The following GRM7 variants were observed in gnomAD, a reference collection of about 807,000 sequenced individuals.
The protein encoded by GRM7 is metabotropic glutamate receptor 7.
Under a neutral mutation model 84.5 loss-of-function variants are expected in GRM7, and 35 were observed. The observed-to-expected ratio is 0.41, with a 90% CI of 0.32 to 0.55. The LOEUF (loss-of-function observed/expected upper bound fraction) is 0.55. GRM7 is among the 20% of genes least tolerant of loss of function. The pLI is 0.19. For missense variants in GRM7, 1,003 were observed against 1,194.6 expected, an observed-to-expected ratio of 0.84 and a Z score of 2.36; for synonymous variants, 487 against 455.1, an observed-to-expected ratio of 1.07 and a Z score of -0.89.
chr3:7,546,626 T>C (rs148344413), intron 7 of GRM7, among the ~76,000 whole-genome samples: 8 of 152,322 alleles, frequency 5.3e-5, no homozygotes, highest in Admixed American at 3.3e-4. Flanking sequence ...CCCAAGAGTT[T>C]TTAAATTCAT....
chr3:7,728,558 CA>C, intron 9 of GRM7, among the ~76,000 whole-genome samples: 1 of 152,244 alleles, frequency 6.6e-6, no homozygotes, highest in East Asian at 1.9e-4. Flanking sequence ...TCAAACCCCC[CA>C]GAAATTTACT....
chr3:6,941,075 CTG>C (rs1221627074), intron 1 of GRM7, among the ~76,000 whole-genome samples: 1 of 152,172 alleles, frequency 6.6e-6, no homozygotes, highest in African/African-American at 2.4e-5. Context: ...CCAGAAGACT[CTG>C]GAGTTGCTAC....
In GRM7 at chr3:6,974,873, A is replaced by G. The variant is rs536522610; in HGVS notation, c.519+112966A>G. On this transcript the variant is annotated intron_variant, in intron 1 of 9. Coordinates refer to ENST00000357716, the MANE Select transcript of GRM7 (RefSeq NM_000844.4). ...CAGAGTTTTTCTGGAAAGAGGCAGG[A>G]ATGAAATCATGGTGGAGGAGATATA... Among the ~76,000 whole-genome samples, 20 of 152,306 alleles carry G rather than the reference A, an allele frequency of 1.3e-4. 1 individual carries two copies. The South Asian group carries it at 4.1e-3, about 32-fold the overall frequency.
At chr3:7,267,897 G>T (rs12494134) in intron 2 of GRM7, among the ~76,000 whole-genome samples, 119,355 of 151,560 alleles carry the variant, frequency 0.79, 47,896 homozygotes, top group East Asian at 0.97. Flanking sequence ...CAAATTCTAT[G>T]TTTTTTTTCA....
intron 2 of GRM7, among the ~76,000 whole-genome samples, chr3:7,248,655 T>C (rs1156856927): frequency 6.6e-6 from 1 of 152,170 alleles, no homozygotes; most frequent in Non-Finnish European, 1.5e-5. Flanking sequence ...GGTTCATTTC[T>C]TTCCAGCATA....
At chr3:7,416,770 G>T in intron 5 of GRM7, among the ~76,000 whole-genome samples, 1 of 152,042 alleles carries the variant, frequency 6.6e-6, no homozygotes, top group African/African-American at 2.4e-5. Context: ...GGGGAAAAGG[G>T]AAAATATTAA....
At position 7,188,090 on chromosome 3, in the gene GRM7, G is replaced by A. The variant is rs1695581053; in HGVS notation, c.736+41422G>A. Among the ~76,000 whole-genome samples, 1 of 152,108 alleles carries A rather than the reference G, an allele frequency of 6.6e-6. No homozygotes were observed. Among genetic ancestry groups the A allele is most frequent in the Admixed American group, 6.5e-5 (1 of 15,276 alleles). On this transcript the variant is annotated intron_variant, in intron 2 of 9. Transcript: ENST00000357716. This position sits in a 1 kb window ranked among gnomAD's most constrained non-coding sequence, Gnocchi z 4.2. ...ATAGAGGAGGAATGATGTGGGGTGG[G>A]TATTGGCTATTATACTTAGCATTAT...
chr3:7,506,283 C>T (rs996407019), intron 7 of GRM7, among the ~76,000 whole-genome samples: 16 of 152,224 alleles, frequency 1.1e-4, no homozygotes, highest in African/African-American at 3.6e-4. Context: ...CTTTTCTGTC[C>T]ATATTTCTAT....
intron 2 of GRM7, among the ~76,000 whole-genome samples, chr3:7,289,423 G>A (rs1559555666): frequency 6.6e-6 from 1 of 152,096 alleles, no homozygotes; most frequent in Admixed American, 6.6e-5. Context: ...AAGTAAACTG[G>A]TTCAACCATT....
intron 7 of GRM7, among the ~76,000 whole-genome samples, chr3:7,478,597 T>C (rs962009601): frequency 6.6e-6 from 1 of 152,138 alleles, no homozygotes; most frequent in Non-Finnish European, 1.5e-5. Context: ...CAGCTCTTGA[T>C]GAAATAGGGT....
intron 1 of GRM7, among the ~76,000 whole-genome samples, chr3:7,016,886 T>G (rs1204181627): frequency 6.6e-6 from 1 of 152,186 alleles, no homozygotes; most frequent in African/African-American, 2.4e-5. Flanking sequence ...ACTCTGGCAA[T>G]TGCAATTTCA....
At chr3:7,677,289 A>G (rs1297989245) in intron 8 of GRM7, among the ~76,000 whole-genome samples, 1 of 146,858 alleles carries the variant, frequency 6.8e-6, no homozygotes, top group Non-Finnish European at 1.5e-5. Context: ...AAAAAAAAAA[A>G]AAAAACTTAC....
chr3:7,218,766 T>C (rs1414431109), intron 2 of GRM7, among the ~76,000 whole-genome samples: 1 of 152,024 alleles, frequency 6.6e-6, no homozygotes, highest in Non-Finnish European at 1.5e-5. Context: ...ATCAATTTAT[T>C]AGCTTTATTT....
intron 1 of GRM7, among the ~76,000 whole-genome samples, chr3:7,033,826 G>T (rs1373159302): frequency 6.6e-6 from 1 of 152,086 alleles, no homozygotes; most frequent in Non-Finnish European, 1.5e-5. Flanking sequence ...CCTAGCAGAG[G>T]GTCTCAGGGG....
chr3:7,626,250 A>T (rs987730490), intron 8 of GRM7, among the ~76,000 whole-genome samples: 3 of 152,160 alleles, frequency 2.0e-5, no homozygotes, highest in African/African-American at 7.2e-5. Context: ...ACTGGGTAGA[A>T]GCTAGCCATT....
At chr3:7,436,919 TATC>T (rs3065613) in intron 5 of GRM7, among the ~76,000 whole-genome samples, 1 of 151,526 alleles carries the variant, frequency 6.6e-6, no homozygotes. Flanking sequence ...TCAGGTCTTT[TATC>T]ATCATCATCA....
At chr3:7,110,927 A>G (rs1692827379) in intron 1 of GRM7, among the ~76,000 whole-genome samples, 1 of 152,116 alleles carries the variant, frequency 6.6e-6, no homozygotes, top group South Asian at 2.1e-4. Flanking sequence ...TCAGAAGATG[A>G]TGTCTGAGAT....
intron 1 of GRM7, among the ~76,000 whole-genome samples, chr3:7,027,756 C>T (rs1696032122): frequency 6.6e-6 from 1 of 152,106 alleles, no homozygotes; most frequent in Non-Finnish European, 1.5e-5. Flanking sequence ...TGAGACTTCC[C>T]TCCCTGTTAT....
chr3:7,123,871 C>T (rs571260787), intron 1 of GRM7, among the ~76,000 whole-genome samples: 3 of 152,316 alleles, frequency 2.0e-5, no homozygotes, highest in African/African-American at 7.2e-5. Context: ...TGCTGCTTCT[C>T]CGCTCCTGAG....
Sources: allele counts gnomAD v4.1 joint callset (sites outside exome capture counted in the v4.1 genomes callset), GRCh38; gene constraint gnomAD v4.1.1; non-coding constraint Gnocchi (gnomAD v3.1); transcripts MANE v1.5; gene names NCBI Gene and HGNC (gene_info 2026-07-23, HGNC 2026-07-21).